Variants in ATXN1 observed in about 807,000 individuals in gnomAD.
The protein encoded by ATXN1 is ataxin-1.
Under a neutral mutation model 56.4 loss-of-function variants are expected in ATXN1, and 8 were observed. That is an observed-to-expected ratio of 0.14 (90% CI 0.08 to 0.26). ATXN1 has a LOEUF of 0.26. ATXN1 is among the 10% of genes least tolerant of loss of function. The probability of loss-of-function intolerance (pLI) is 1.00; values close to 1 mark genes in which losing one functional copy is unlikely to be tolerated. For synonymous variants in ATXN1, 514 were observed against 494.6 expected (o/e 1.04, Z -0.52); for missense variants, 987 against 1,106.5 (o/e 0.89, Z 1.53).
chr6:16,307,603 G>A (rs771163084), intron 7 of ATXN1, among the ~76,000 whole-genome samples: 1 of 151,850 alleles, frequency 6.6e-6, no homozygotes, highest in Non-Finnish European at 1.5e-5. Flanking sequence ...GAACCCAGGA[G>A]GCAGATGTTG....
At chr6:16,428,424 G>A (rs369238392) in intron 6 of ATXN1, among the ~76,000 whole-genome samples, 3 of 151,922 alleles carry the variant, frequency 2.0e-5, no homozygotes, top group African/African-American at 7.2e-5. Flanking sequence ...CAGCTGACCA[G>A]GACTAGTAAT....
chr6:16,574,241 T>C (rs1216716410), intron 4 of ATXN1, among the ~76,000 whole-genome samples: 1 of 152,248 alleles, frequency 6.6e-6, no homozygotes, highest in African/African-American at 2.4e-5. Flanking sequence ...AGTCTCGCTC[T>C]GTCGCCCAGG....
At chr6:16,530,748 T>A (rs1181438766) in intron 4 of ATXN1, among the ~76,000 whole-genome samples, 1 of 152,142 alleles carries the variant, frequency 6.6e-6, no homozygotes, top group Non-Finnish European at 1.5e-5. Flanking sequence ...CATCTGAACT[T>A]AAAATATAAG....
At chr6:16,416,621 T>C (rs897223307) in intron 6 of ATXN1, among the ~76,000 whole-genome samples, 5 of 152,254 alleles carry the variant, frequency 3.3e-5, no homozygotes, top group African/African-American at 9.6e-5. Flanking sequence ...TTTTATTTCA[T>C]AGGGAGATGT....
intron 2 of ATXN1, among the ~76,000 whole-genome samples, chr6:16,717,790 C>G (rs1191495522): frequency 6.6e-6 from 1 of 152,206 alleles, no homozygotes; most frequent in Non-Finnish European, 1.5e-5. Context: ...CATCTCTAGT[C>G]TCCAAAAGCA....
At chr6:16,604,078 T>C (rs1356799845) in intron 3 of ATXN1, among the ~76,000 whole-genome samples, 3 of 152,136 alleles carry the variant, frequency 2.0e-5, no homozygotes, top group African/African-American at 7.2e-5. Flanking sequence ...TCTTGTCCTC[T>C]CATGGATAAG....
At chr6:16,491,251 C>T (rs1404372157) in intron 5 of ATXN1, among the ~76,000 whole-genome samples, 1 of 124,012 alleles carries the variant, frequency 8.1e-6, no homozygotes. Context: ...TGCCACCACA[C>T]CTGGCTAATT....
At chr6:16,626,537 C>G (rs1349663370) in intron 3 of ATXN1, among the ~76,000 whole-genome samples, 1 of 152,058 alleles carries the variant, frequency 6.6e-6, no homozygotes, top group Non-Finnish European at 1.5e-5. Context: ...GATGATGTGC[C>G]CACCCACCTC....
intron 3 of ATXN1, among the ~76,000 whole-genome samples, chr6:16,644,248 G>C (rs1298729358): frequency 6.6e-6 from 1 of 152,234 alleles, no homozygotes; most frequent in Non-Finnish European, 1.5e-5. Flanking sequence ...ACTGGGCCAG[G>C]TGTGGTGGCT....
chr6:16,414,844 T>C (rs537553704), intron 6 of ATXN1, among the ~76,000 whole-genome samples: 1 of 152,346 alleles, frequency 6.6e-6, no homozygotes, highest in East Asian at 1.9e-4. Context: ...GTTTCCAATG[T>C]AGTCAATTTT....
At chr6:16,757,194 G>A (rs991333538) in intron 1 of ATXN1, among the ~76,000 whole-genome samples, 6 of 152,208 alleles carry the variant, frequency 3.9e-5, no homozygotes, top group Non-Finnish European at 7.3e-5. Context: ...CAGAAGTCCT[G>A]AAGTCTAGTC....
rs1758157870 is a variant in ATXN1 at position 16,654,817 on chromosome 6, G to A, written c.-489+2959C>T. Among the ~76,000 whole-genome samples, 3 of 152,152 alleles carry A rather than the reference G, an allele frequency of 2.0e-5. No individual in the cohort carries two copies. The South Asian group carries it at 6.2e-4, about 32-fold the overall frequency. On this transcript the variant is annotated intron_variant, in intron 3 of 7. Coordinates refer to ENST00000436367, the MANE Select transcript of ATXN1 (RefSeq NM_001128164.2). The stretch of plus-strand genomic sequence containing the variant: ...CTATGTTGATTACAGGAAGGATACT[G>A]TCACCAGGAGAATCACAAAACTAGC...
intron 6 of ATXN1, among the ~76,000 whole-genome samples, chr6:16,366,107 G>A (rs1307757505): frequency 2.0e-5 from 3 of 152,122 alleles, no homozygotes; most frequent in Non-Finnish European, 4.4e-5. Flanking sequence ...AACAATCTTG[G>A]ATGTTTACCT....
At chr6:16,588,013 T>A (rs1487114636) in intron 3 of ATXN1, among the ~76,000 whole-genome samples, 1 of 151,704 alleles carries the variant, frequency 6.6e-6, no homozygotes, top group Non-Finnish European at 1.5e-5. Context: ...TGTGATGTCA[T>A]CCTCATCTAT....
intron 2 of ATXN1, among the ~76,000 whole-genome samples, chr6:16,723,068 G>C (rs971581995): frequency 3.9e-5 from 6 of 152,136 alleles, no homozygotes; most frequent in African/African-American, 1.4e-4. Flanking sequence ...AAATATTTCA[G>C]ACTGTGTTTC....
At chr6:16,376,730 A>AT (rs531227574) in intron 6 of ATXN1, among the ~76,000 whole-genome samples, 1 of 152,220 alleles carries the variant, frequency 6.6e-6, no homozygotes, top group East Asian at 1.9e-4. Flanking sequence ...CATTTACATT[A>AT]TTTTTTTCTG....
At chr6:16,532,930 T>C (rs564478118) in intron 4 of ATXN1, among the ~76,000 whole-genome samples, 1 of 152,314 alleles carries the variant, frequency 6.6e-6, no homozygotes, top group Non-Finnish European at 1.5e-5. Flanking sequence ...GATATTTGTA[T>C]ACCAGTGTTC....
chr6:16,484,588 T>A (rs916217796), intron 6 of ATXN1, among the ~76,000 whole-genome samples: 1 of 152,222 alleles, frequency 6.6e-6, no homozygotes, highest in Admixed American at 6.5e-5. Context: ...CCAGGCTGAC[T>A]GATTTCCACT....
At chr6:16,470,186 C>G (rs13204889) in intron 6 of ATXN1, among the ~76,000 whole-genome samples, 2 of 152,260 alleles carry the variant, frequency 1.3e-5, no homozygotes, top group South Asian at 4.1e-4. Context: ...ATAGCACAGA[C>G]AGACCTGAAG....
Sources: allele counts gnomAD v4.1 joint callset (sites outside exome capture counted in the v4.1 genomes callset), GRCh38; gene constraint gnomAD v4.1.1; transcripts MANE v1.5; gene names NCBI Gene and HGNC (gene_info 2026-07-23, HGNC 2026-07-21).